CFAP77: variants seen among roughly 807,000 people sequenced by gnomAD.
CFAP77 encodes cilia- and flagella-associated protein 77.
CFAP77 carries 25 observed loss-of-function variants against 31.1 expected under a neutral mutation model. The ratio of observed to expected loss-of-function variants is 0.80; its 90% CI spans 0.59 to 1.12. The LOEUF is 1.12. CFAP77 is among the 50% of genes most tolerant of loss of function. CFAP77 has a pLI of 0.00. For synonymous variants in CFAP77, 151 were observed against 159.9 expected, an observed-to-expected ratio of 0.94 and a Z score of 0.42; for missense variants, 377 against 397.3, an observed-to-expected ratio of 0.95 and a Z score of 0.44.
At chr9:132,534,917 C>A (rs568344338) in intron 3 of CFAP77, among the ~76,000 whole-genome samples, 1 of 152,324 alleles carries the variant, frequency 6.6e-6, no homozygotes, top group African/African-American at 2.4e-5. Flanking sequence ...GGTCCATTAC[C>A]ATGTCTCCCA....
At chr9:132,508,536 A>G (rs1304906855) in intron 3 of CFAP77, among the ~76,000 whole-genome samples, 1 of 152,198 alleles carries the variant, frequency 6.6e-6, no homozygotes, top group East Asian at 1.9e-4. Context: ...GATGCCGCAG[A>G]GACACAGCAG....
intron 5 of CFAP77, among the ~76,000 whole-genome samples, chr9:132,549,902 G>T (rs796400155): frequency 3.9e-5 from 6 of 152,308 alleles, no homozygotes; most frequent in African/African-American, 1.4e-4. Context: ...CACCTCAGAG[G>T]TATAGAATTT....
rs902241098 is a variant in CFAP77 at position 132,455,190 on chromosome 9, A to G, written c.196-43505A>G. ...ACCATCTGTCATTGCAGCAGAGCCC[A>G]GTAGTGTGGGGTTCTTACCTTAAAA... is the stretch of plus-strand genomic sequence containing the variant. On this transcript the variant is annotated intron_variant, in intron 1 of 5. Coordinates refer to ENST00000393216, the MANE Select transcript of CFAP77 (RefSeq NM_001282957.2). This position sits in a 1 kb window ranked among gnomAD's most constrained non-coding sequence, Gnocchi z 4.1. 6.6e-6 allele frequency among the ~76,000 whole-genome samples: 1 copy of G among 152,132 alleles called. No individual in the cohort carries two copies. The highest frequency in any genetic ancestry group is 1.5e-5 in the Non-Finnish European group (1 of 68,026).
intron 1 of CFAP77, among the ~76,000 whole-genome samples, chr9:132,477,697 G>C (rs1014809673): frequency 6.6e-6 from 1 of 152,196 alleles, no homozygotes; most frequent in Non-Finnish European, 1.5e-5. Context: ...TTGGGTTCCA[G>C]TGCTGCCTCC....
intron 1 of CFAP77, among the ~76,000 whole-genome samples, chr9:132,493,771 T>C (rs1363482129): frequency 2.6e-5 from 4 of 152,282 alleles, no homozygotes; most frequent in African/African-American, 9.6e-5. Flanking sequence ...CACTCCACGC[T>C]TTGTGTCAGG....
intron 1 of CFAP77, among the ~76,000 whole-genome samples, chr9:132,411,528 C>T (rs1189232125): frequency 1.3e-5 from 2 of 152,158 alleles, no homozygotes. Flanking sequence ...GCAGGCTGCA[C>T]CTGGGGGAGG....
chr9:132,504,201 T>C (rs1299036076), intron 3 of CFAP77, among the ~76,000 whole-genome samples: 2 of 152,196 alleles, frequency 1.3e-5, no homozygotes, highest in African/African-American at 4.8e-5. Flanking sequence ...TGGAGTCCAG[T>C]TGTCAGGCTC....
At chr9:132,553,957 ATAG>A (rs1395942131) in intron 5 of CFAP77, among the ~76,000 whole-genome samples, 2 of 152,208 alleles carry the variant, frequency 1.3e-5, no homozygotes, top group Admixed American at 1.3e-4. Context: ...GTGTATACTA[ATAG>A]TAGTAATAAC....
rs574562520 is a variant in CFAP77, at chr9:132,474,052, A to G, written c.196-24643A>G. 1.5e-4 allele frequency among the ~76,000 whole-genome samples: 23 copies of G among 152,184 alleles called. No homozygotes were observed. The South Asian group carries it at 2.7e-3, about 18-fold the overall frequency. ...GTCCTCTCCTCACGAACCCGAGTCT[A>G]TTTGCCGGCCCTAGAGATGTAGCTG... On this transcript the variant is annotated intron_variant, in intron 1 of 5. Coordinates refer to ENST00000393216, the MANE Select transcript of CFAP77 (RefSeq NM_001282957.2).
At chr9:132,475,307 G>A (rs1589872587) in intron 1 of CFAP77, among the ~76,000 whole-genome samples, 1 of 152,200 alleles carries the variant, frequency 6.6e-6, no homozygotes, top group Non-Finnish European at 1.5e-5. Context: ...AGCCCAGCCT[G>A]GGTATCATGC....
intron 1 of CFAP77, 149 bp downstream of exon 1, chr9:132,410,615 C>A (rs2131669115): frequency 1.5e-6 from 1 of 662,304 alleles, no homozygotes; most frequent in Non-Finnish European, 2.4e-6. Flanking sequence ...CAGGCCTGGA[C>A]CCCCATGCAG....
At position 132,499,287 on chromosome 9, in the gene CFAP77, G is replaced by A. The variant is rs537564279; in HGVS notation, c.296-85G>A. The A allele has an allele frequency of 6.1e-5, 74 of 1,217,024 alleles. No individual in the cohort carries two copies. In the African/African-American group the frequency reaches 6.5e-4, roughly 11 times the overall value. 75.4% of individuals were successfully genotyped at this position (1,217,024 alleles called of 1,614,324 possible). A position where few individuals can be genotyped will look rare whatever the true frequency, so the allele number is the denominator to read the frequency against. On this transcript the variant is annotated intron_variant, in intron 2 of 5. Transcript: ENST00000393216. The surrounding 1 kb of genome is among the most constrained non-coding windows in gnomAD (Gnocchi z 5.4). ...GTAAATGGGAAGGCCGAGGACCCGC[G>A]TGCCCCCATTTCTTCTCGATCAGCT...
chr9:132,549,162 C>G (rs746668805), intron 5 of CFAP77, among the ~76,000 whole-genome samples: 2 of 152,170 alleles, frequency 1.3e-5, no homozygotes, highest in Admixed American at 6.5e-5. Context: ...GCTACACCCC[C>G]CAAGCGGGCT....
At position 132,498,384 on chromosome 9, in the gene CFAP77, C is replaced by T. The variant is rs910194725; in HGVS notation, c.196-311C>T. On this transcript the variant is annotated intron_variant, in intron 1 of 5. Transcript: ENST00000393216. The surrounding 1 kb of genome is among the most constrained non-coding windows in gnomAD (Gnocchi z 4.2). ...AGCCAGGTCTAGGCTGCACCCCAAA[C>T]ACAGCGGCTCAGCTCGGGGACTGTG... is the stretch of plus-strand genomic sequence containing the variant. 6.6e-6 allele frequency among the ~76,000 whole-genome samples: 1 copy of T among 152,196 alleles called. No individual in the cohort carries two copies. Among genetic ancestry groups the T allele is most frequent in the Non-Finnish European group, 1.5e-5 (1 of 68,038 alleles).
intron 1 of CFAP77, among the ~76,000 whole-genome samples, chr9:132,492,388 G>A (rs555401264): frequency 2.3e-4 from 35 of 151,948 alleles, no homozygotes; most frequent in Middle Eastern, 3.4e-3. Flanking sequence ...GCTGTGCACC[G>A]TTGTGTGGGG....
intron 5 of CFAP77, among the ~76,000 whole-genome samples, chr9:132,556,657 GC>G (rs1852910572): frequency 6.6e-6 from 1 of 152,310 alleles, no homozygotes; most frequent in African/African-American, 2.4e-5. Context: ...CCCTCACCTG[GC>G]CCCGCGGTGC....
At chr9:132,427,646 T>C (rs1850340077) in intron 1 of CFAP77, among the ~76,000 whole-genome samples, 1 of 152,120 alleles carries the variant, frequency 6.6e-6, no homozygotes, top group Non-Finnish European at 1.5e-5. Flanking sequence ...AACAGATATT[T>C]ATTCCCTCAG....
At chr9:132,446,801 G>A (rs945773543) in intron 1 of CFAP77, among the ~76,000 whole-genome samples, 6 of 150,584 alleles carry the variant, frequency 4.0e-5, no homozygotes, top group African/African-American at 1.2e-4. Flanking sequence ...GGGCTCTACT[G>A]TGTGGGAAAG....
At chr9:132,439,736 C>G (rs1326585575) in intron 1 of CFAP77, among the ~76,000 whole-genome samples, 1 of 151,460 alleles carries the variant, frequency 6.6e-6, no homozygotes, top group Non-Finnish European at 1.5e-5. Flanking sequence ...GTAGTCCCAG[C>G]TACTGGGAAG....
Sources: gnomAD v4.1 joint callset for allele counts (sites outside exome capture counted in the v4.1 genomes callset) on GRCh38, gnomAD v4.1.1 for gene constraint, Gnocchi (gnomAD v3.1) non-coding constraint, MANE v1.5 for transcripts, NCBI Gene and HGNC (gene_info 2026-07-23, HGNC 2026-07-21) for gene names.